SDC3: variants seen among roughly 807,000 people sequenced by gnomAD.
SDC3 encodes syndecan-3.
In SDC3, 13 loss-of-function variants were observed where a neutral mutation model predicts 24.4. That is an observed-to-expected ratio of 0.53 (90% CI 0.35 to 0.85). The LOEUF (loss-of-function observed/expected upper bound fraction) is 0.85. SDC3 is among the 40% of genes least tolerant of loss of function. The probability of loss-of-function intolerance (pLI) is 0.01; values close to 1 mark genes in which losing one functional copy is unlikely to be tolerated. For missense variants in SDC3, 571 were observed against 584.5 expected (o/e 0.98, Z 0.24); for synonymous variants, 295 against 260.9 (o/e 1.13, Z -1.26).
chr1:30,908,706 C>A lies in SDC3; in HGVS notation c.-120G>T, dbSNP rs1021996904. On this transcript the variant is annotated 5_prime_UTR_variant, in exon 1 of 5. Transcript: ENST00000339394. ...GGCGGCTGGACCGACGCGCTCTAGG[C>A]TCGCGGGCTCCCGGCTCGGCCGCCC... 1.7e-4 allele frequency: 42 copies of A among 250,696 alleles called. No homozygotes were observed. The highest frequency in any genetic ancestry group is 2.5e-4 in the Non-Finnish European group (41 of 161,916). 15.5% of individuals were successfully genotyped at this position (250,696 alleles called of 1,614,324 possible). A position where few individuals can be genotyped will look rare whatever the true frequency, so the allele number is the denominator to read the frequency against.
chr1:30,879,301 C>A (rs566268011), intron 1 of SDC3, among the ~76,000 whole-genome samples: 1 of 152,280 alleles, frequency 6.6e-6, no homozygotes, highest in East Asian at 1.9e-4. Context: ...CCAGGAGGTG[C>A]CCCCTCACAA....
At chr1:30,908,958 G>C (rs999332628), upstream of SDC3, among the ~76,000 whole-genome samples, 30 of 151,622 alleles carry the variant, frequency 2.0e-4, no homozygotes, top group Non-Finnish European at 2.8e-4. Flanking sequence ...CCGGACACCT[G>C]AGTGAGCAGC....
chr1:30,908,896 G>C (rs1195285290), upstream of SDC3: 1 of 150,366 alleles, frequency 6.7e-6, no homozygotes, highest in Non-Finnish European at 1.5e-5. Flanking sequence ...TCTGACCCCA[G>C]TCCCAGCCCC....
chr1:30,880,174 C>T (rs1315353380), intron 1 of SDC3, among the ~76,000 whole-genome samples: 1 of 152,132 alleles, frequency 6.6e-6, no homozygotes, highest in Non-Finnish European at 1.5e-5. Flanking sequence ...TAGCCATCGA[C>T]ATGACAACCG....
At chr1:30,905,370 C>CACAG (rs1638500119) in intron 1 of SDC3, among the ~76,000 whole-genome samples, 1 of 139,098 alleles carries the variant, frequency 7.2e-6, no homozygotes, top group Non-Finnish European at 1.5e-5. Flanking sequence ...CACACACACA[C>CACAG]ACACACACAC....
intron 1 of SDC3, among the ~76,000 whole-genome samples, chr1:30,893,368 G>A (rs1224993298): frequency 1.4e-5 from 2 of 138,018 alleles, no homozygotes; most frequent in African/African-American, 2.7e-5. Flanking sequence ...TTGGTACCTG[G>A]GCAGGACGAT....
chr1:30,905,871 AACAC>A (rs71813597), intron 1 of SDC3, among the ~76,000 whole-genome samples: 23 of 148,434 alleles, frequency 1.5e-4, no homozygotes, highest in African/African-American at 5.2e-4. Flanking sequence ...CAGACACACA[AACAC>A]ACACACACAC....
intron 1 of SDC3, among the ~76,000 whole-genome samples, chr1:30,892,067 C>T (rs1448188266): frequency 2.6e-5 from 4 of 151,944 alleles, no homozygotes; most frequent in Non-Finnish European, 5.9e-5. Context: ...CCTGCGTTCC[C>T]CAGGTATCCT....
chr1:30,907,911 C>A (rs1429140533), intron 1 of SDC3, among the ~76,000 whole-genome samples: 3 of 152,228 alleles, frequency 2.0e-5, no homozygotes, highest in Non-Finnish European at 2.9e-5. Context: ...GGAAGGGGAA[C>A]CGATCCGATT....
chr1:30,877,855 A>C (rs1423687286), intron 2 of SDC3: 1 of 152,596 alleles, frequency 6.6e-6, no homozygotes, highest in Non-Finnish European at 1.5e-5. Context: ...GATTAATTTG[A>C]AAGAGGCTCA....
intron 1 of SDC3, among the ~76,000 whole-genome samples, chr1:30,906,397 G>A (rs1638520632): frequency 6.6e-6 from 1 of 152,080 alleles, no homozygotes; most frequent in South Asian, 2.1e-4. Context: ...CACTGGGTCT[G>A]AGCCACACCT....
chr1:30,887,215 C>G (rs1639842111), intron 1 of SDC3, among the ~76,000 whole-genome samples: 1 of 151,914 alleles, frequency 6.6e-6, no homozygotes, highest in Non-Finnish European at 1.5e-5. Context: ...GCAGGTGCCT[C>G]TAGGAGTCTG....
rs764998155 is a variant in SDC3, at chr1:30,874,346, A to C, written c.1113T>G (p.Ala371=). 6.2e-7 allele frequency: 1 copy of C among 1,613,556 alleles called. No individual in the cohort carries two copies. Among genetic ancestry groups the C allele is most frequent in the Non-Finnish European group, 8.5e-7 (1 of 1,179,916 alleles). The part of the protein sequence containing the change: ...LDNAIDSGSS[A]AQLPQKSILE... Reference sequence around the variant, plus strand: ...GGATACTCTTCTGAGGCAGCTGAGCAGCTGAGCTGCCCGAGTCGATGGCAT... The same window carrying C: ...GGATACTCTTCTGAGGCAGCTGAGCCGCTGAGCTGCCCGAGTCGATGGCAT... Residue 371 remains alanine (A), a synonymous_variant, in exon 4 of 5, where the codon GCT becomes GCG. Transcript: ENST00000339394.
At chr1:30,888,496 G>A (rs900209427) in intron 1 of SDC3, among the ~76,000 whole-genome samples, 4 of 152,050 alleles carry the variant, frequency 2.6e-5, no homozygotes, top group African/African-American at 2.4e-5. Flanking sequence ...CAGCTGTCCC[G>A]GGAGCCTGCA....
chr1:30,884,910 G>A (rs564693961), intron 1 of SDC3, among the ~76,000 whole-genome samples: 24 of 152,114 alleles, frequency 1.6e-4, no homozygotes, highest in East Asian at 5.8e-4. Flanking sequence ...GGAATATTAC[G>A]CAGCTATCAA....
chr1:30,903,832 C>T (rs924719382), intron 1 of SDC3, among the ~76,000 whole-genome samples: 4 of 152,152 alleles, frequency 2.6e-5, no homozygotes, highest in Non-Finnish European at 5.9e-5. Flanking sequence ...GTCCCATTAG[C>T]CTGTCAGGCC....
chr1:30,894,849 C>T (rs1350343698), intron 1 of SDC3, among the ~76,000 whole-genome samples: 1 of 151,902 alleles, frequency 6.6e-6, no homozygotes, highest in Non-Finnish European at 1.5e-5. Flanking sequence ...CTAGGGCTGT[C>T]TCGAGTGGCT....
At chr1:30,893,497 G>C (rs1445840707) in intron 1 of SDC3, among the ~76,000 whole-genome samples, 1 of 151,960 alleles carries the variant, frequency 6.6e-6, no homozygotes, top group East Asian at 1.9e-4. Flanking sequence ...TGCCCCAGGA[G>C]CCAGCACCCT....
rs370999937 is a variant in SDC3, at chr1:30,876,659, G to C, written c.763C>G (p.Arg255Gly). Residue 255 changes from arginine to glycine, a missense_variant, in exon 3 of 5, where the codon CGG becomes GGG. By Grantham distance (125) the Arg-to-Gly change is moderately radical. Coordinates refer to ENST00000339394, the MANE Select transcript of SDC3 (RefSeq NM_014654.4). ...TPRLVSTATSRPRALPRPATT... is the reference protein window; with the variant it reads ...TPRLVSTATSGPRALPRPATT... ...GCCGGCCTGGGAAGGGCTCTTGGCCGGGAGGTAGCTGTGCTGACCAGCCTG... is the reference window on the plus strand; with the variant it reads ...GCCGGCCTGGGAAGGGCTCTTGGCCCGGAGGTAGCTGTGCTGACCAGCCTG... 3 of 1,597,420 alleles carry C rather than the reference G, an allele frequency of 1.9e-6. No homozygotes were observed.
Sources: gnomAD v4.1 joint callset for allele counts (sites outside exome capture counted in the v4.1 genomes callset) on GRCh38, gnomAD v4.1.1 for gene constraint, MANE v1.5 for transcripts, NCBI Gene and HGNC (gene_info 2026-07-23, HGNC 2026-07-21) for gene names.